The following NCOR1 variants were observed in gnomAD, a reference collection of about 807,000 sequenced individuals.
NCOR1 encodes the protein nuclear receptor corepressor 1.
In NCOR1, 63 loss-of-function variants were observed where a neutral mutation model predicts 288.1. That is an observed-to-expected ratio of 0.22 (90% CI 0.18 to 0.27). The LOEUF (loss-of-function observed/expected upper bound fraction) is 0.27. NCOR1 is among the 10% of genes least tolerant of loss of function. The probability of loss-of-function intolerance (pLI) is 1.00; values close to 1 mark genes in which losing one functional copy is unlikely to be tolerated. For missense variants in NCOR1, 2,397 were observed against 3,019.2 expected, an observed-to-expected ratio of 0.79 and a Z score of 4.83; for synonymous variants, 1,007 against 1,065.9, an observed-to-expected ratio of 0.94 and a Z score of 1.08.
chr17:16,182,734 G>A (rs961771576), intron 3 of NCOR1, among the ~76,000 whole-genome samples: 1 of 152,168 alleles, frequency 6.6e-6, no homozygotes, highest in Non-Finnish European at 1.5e-5. Context: ...TTACAGGTGT[G>A]AGCCACAGTG....
chr17:16,093,856 T>C (rs1425645765), intron 21 of NCOR1, among the ~76,000 whole-genome samples: 5 of 152,194 alleles, frequency 3.3e-5, no homozygotes, highest in Admixed American at 3.3e-4. Flanking sequence ...TAGTATTTTT[T>C]AACCTAATAG....
chr17:16,135,728 G>A (rs764803480), intron 14 of NCOR1, among the ~76,000 whole-genome samples: 9 of 152,314 alleles, frequency 5.9e-5, no homozygotes, highest in Middle Eastern at 6.8e-3. Flanking sequence ...CAAAGAGCAT[G>A]TAATCACATC....
intron 40 of NCOR1, among the ~76,000 whole-genome samples, chr17:16,056,400 C>CCCGGGTTCAAGTGATTCTTCT: frequency 6.7e-6 from 1 of 148,640 alleles, no homozygotes; most frequent in East Asian, 2.0e-4. Context: ...GTGATTCTTC[C>CCCGGGTTCAAGTGATTCTTCT]GCCCAGGTTC....
chr17:16,127,338 C>CATAT lies in NCOR1; in HGVS notation c.1510-1133_1510-1132insATAT, dbSNP rs2074483549. Among the ~76,000 whole-genome samples the CATAT allele has an allele frequency of 5.5e-5, 2 of 36,214 alleles. 1 individual carries two copies. Among genetic ancestry groups the CATAT allele is most frequent in the African/African-American group, 1.7e-4 (2 of 11,752 alleles). 23.8% of individuals were successfully genotyped at this position (36,214 alleles called of 152,430 possible). A position where few individuals can be genotyped will look rare whatever the true frequency, so the allele number is the denominator to read the frequency against. On this transcript the variant is annotated intron_variant, in intron 14 of 45. Transcript: ENST00000268712. ...GTATGTATATATGTATGTATATATA[C>CATAT]ATGTATGTATATATGTATGTATATA... is the stretch of plus-strand genomic sequence containing the variant.
intron 6 of NCOR1, among the ~76,000 whole-genome samples, chr17:16,158,052 C>T (rs920744883): frequency 1.3e-5 from 2 of 151,922 alleles, no homozygotes; most frequent in Non-Finnish European, 2.9e-5. Context: ...CGGCTCACTA[C>T]AACCTCTACC....
At chr17:16,183,321 G>A (rs759493116) in intron 3 of NCOR1, among the ~76,000 whole-genome samples, 1 of 149,102 alleles carries the variant, frequency 6.7e-6, no homozygotes, top group Non-Finnish European at 1.5e-5. Context: ...ATTTGCAGAT[G>A]ACACAATCCT....
intron 40 of NCOR1, among the ~76,000 whole-genome samples, chr17:16,055,984 G>A (rs1012788871): frequency 6.6e-6 from 1 of 152,174 alleles, no homozygotes; most frequent in Non-Finnish European, 1.5e-5. Flanking sequence ...CATACACTGA[G>A]GATTACCAAA....
chr17:16,041,506 T>C (rs779368810), intron 42 of NCOR1, among the ~76,000 whole-genome samples: 17 of 146,210 alleles, frequency 1.2e-4, no homozygotes, highest in East Asian at 4.1e-4. Flanking sequence ...CTCTGCCTCC[T>C]GGGTTCAAGC....
At chr17:16,092,551 TACAAC>T (rs1438409625) in intron 21 of NCOR1, among the ~76,000 whole-genome samples, 1 of 148,988 alleles carries the variant, frequency 6.7e-6, no homozygotes, top group Non-Finnish European at 1.5e-5. Context: ...AATCAGAAAT[TACAAC>T]ACATCTGTCT....
chr17:16,095,885 A>G lies in NCOR1; in HGVS notation c.2820+2482T>C, dbSNP rs548096443. On this transcript the variant is annotated intron_variant, in intron 21 of 45. Transcript: ENST00000268712. Reference sequence around the variant, plus strand: ...CGATGGCGGTTTTGTGGAATAGAAAAGGGGGCAAGGTGGGGAAAAGATTGA... The same window carrying G: ...CGATGGCGGTTTTGTGGAATAGAAAGGGGGGCAAGGTGGGGAAAAGATTGA... Among the ~76,000 whole-genome samples, 15 of 152,196 alleles carry G rather than the reference A, an allele frequency of 9.9e-5. No individual in the cohort carries two copies. The South Asian group carries it at 1.9e-3, about 19-fold the overall frequency.
At chr17:16,155,370 T>C (rs59302900) in intron 6 of NCOR1, among the ~76,000 whole-genome samples, 7,401 of 111,796 alleles carry the variant, frequency 0.066, 219 homozygotes, top group African/African-American at 0.089. Context: ...AAAAAAAAAA[T>C]ACACACACAC....
intron 26 of NCOR1, among the ~76,000 whole-genome samples, chr17:16,079,078 TG>T (rs2062980280): frequency 6.6e-6 from 1 of 152,224 alleles, no homozygotes. Flanking sequence ...GCCAATGCTC[TG>T]GTGCACAAAC....
rs757367757 is a variant in NCOR1, at chr17:16,080,548, A to T, written c.3299-39T>A. 4 of 1,613,406 alleles carry T rather than the reference A, an allele frequency of 2.5e-6. 1 individual carries two copies. The South Asian group carries it at 4.4e-5, about 18-fold the overall frequency. On this transcript the variant is annotated intron_variant, in intron 24 of 45. Transcript: ENST00000268712. ...GAGAAACATGAAACAATCCAGTACT[A>T]AATTACTGGCTGTGATGCTACAAAC...
At position 16,061,907 on chromosome 17, in the gene NCOR1, C is replaced by T. The variant is rs771549012; in HGVS notation, c.5388-13G>A. The T allele has an allele frequency of 2.5e-6, 4 of 1,593,922 alleles. No individual in the cohort carries two copies. The highest frequency in any genetic ancestry group is 3.4e-6 in the Non-Finnish European group (4 of 1,170,340). On this transcript the variant is annotated splice_polypyrimidine_tract_variant and intron_variant, in intron 36 of 45. Coordinates refer to ENST00000268712, the MANE Select transcript of NCOR1 (RefSeq NM_006311.4). The stretch of plus-strand genomic sequence containing the variant: ...AGCAGGCAGTGGCCTGTAAATAAAA[C>T]CAAATCACAGCTCTGTGAAGGGAAG...
chr17:16,202,210 C>A (rs1396880600), intron 1 of NCOR1, among the ~76,000 whole-genome samples: 1 of 132,980 alleles, frequency 7.5e-6, no homozygotes, highest in Non-Finnish European at 1.6e-5. Flanking sequence ...GGCAAAAGGG[C>A]GAGACTCCAT....
chr17:16,164,158 T>C (rs904989903), intron 5 of NCOR1, among the ~76,000 whole-genome samples: 35 of 151,898 alleles, frequency 2.3e-4, no homozygotes, highest in Non-Finnish European at 4.9e-4. Context: ...GGAGAATCAC[T>C]TGAACCTGGG....
chr17:16,184,378 T>C (rs536110989), intron 3 of NCOR1, among the ~76,000 whole-genome samples: 57 of 152,152 alleles, frequency 3.7e-4, no homozygotes, highest in African/African-American at 1.2e-3. Context: ...GAAAAACAAA[T>C]AACCTGATTT....
intron 32 of NCOR1, among the ~76,000 whole-genome samples, chr17:16,066,844 A>G (rs2061175836): frequency 6.6e-6 from 1 of 152,208 alleles, no homozygotes; most frequent in South Asian, 2.1e-4. Context: ...TCTTACTTTT[A>G]AAATTTAGCA....
At chr17:16,046,421 ATAT>A (rs1265864159) in intron 42 of NCOR1, among the ~76,000 whole-genome samples, 1 of 152,256 alleles carries the variant, frequency 6.6e-6, no homozygotes. Flanking sequence ...AGCATAGATC[ATAT>A]TATACTACTC....
Sources: gnomAD v4.1 joint callset for allele counts (sites outside exome capture counted in the v4.1 genomes callset) on GRCh38, gnomAD v4.1.1 for gene constraint, MANE v1.5 for transcripts, NCBI Gene and HGNC (gene_info 2026-07-23, HGNC 2026-07-21) for gene names.